The following LRRC37A2 variants were observed in gnomAD, a reference collection of about 807,000 sequenced individuals.
LRRC37A2 encodes the protein leucine-rich repeat-containing protein 37A2.
In LRRC37A2, 9 loss-of-function variants were observed where a neutral mutation model predicts 68.8. That is an observed-to-expected ratio of 0.13 (90% CI 0.08 to 0.23). LRRC37A2 has a LOEUF of 0.23. Ranked by LOEUF, LRRC37A2 falls within the 10% of genes least tolerant of loss-of-function variation. The probability of loss-of-function intolerance (pLI) is 1.00; values close to 1 mark genes in which losing one functional copy is unlikely to be tolerated. For missense variants in LRRC37A2, 168 were observed against 950.4 expected (o/e 0.18, Z 10.82); for synonymous variants, 63 against 367.6 (o/e 0.17, Z 9.48).
At chr17:46,755,579 A>G in the LRRC37A2 span, 12 of 683,182 alleles carry the variant, frequency 1.8e-5, no homozygotes, top group Non-Finnish European at 2.7e-5. Flanking sequence ...CCTTGTCACA[A>G]TGCAGGAAAA....
At chr17:46,535,449 TTC>T (rs1468987515) in intron 6 of LRRC37A2, among the ~76,000 whole-genome samples, 2 of 101,352 alleles carry the variant, frequency 2.0e-5, no homozygotes, top group Non-Finnish European at 3.6e-5. Context: ...TTCTCCTTTT[TTC>T]TGTTTTTCTT....
chr17:46,690,624 A>AAAAT, the LRRC37A2 span, among the ~76,000 whole-genome samples: 20,999 of 108,116 alleles, frequency 0.19, 2,518 homozygotes, highest in Non-Finnish European at 0.25. Flanking sequence ...AAAAAAAAAA[A>AAAAT]ATATATATAT....
chr17:46,475,005 G>A, the LRRC37A2 span, among the ~76,000 whole-genome samples: 885 of 132,284 alleles, frequency 6.7e-3, 6 homozygotes, highest in African/African-American at 0.023. Flanking sequence ...TCTAGAATGA[G>A]TTTTCAGTTT....
At chr17:46,774,362 GCA>G in the LRRC37A2 span, among the ~76,000 whole-genome samples, 1 of 151,944 alleles carries the variant, frequency 6.6e-6, no homozygotes, top group Admixed American at 6.6e-5. Flanking sequence ...GCGCGCGCGC[GCA>G]CACACACACA....
chr17:46,818,857 C>G, the LRRC37A2 span: 10 of 547,090 alleles, frequency 1.8e-5, no homozygotes, highest in Non-Finnish European at 2.9e-5. Flanking sequence ...GCGCCCCTCC[C>G]GCCCGGCCCA....
intron 6 of LRRC37A2, among the ~76,000 whole-genome samples, chr17:46,535,180 C>A (rs1248721379): frequency 6.7e-6 from 1 of 149,360 alleles, no homozygotes; most frequent in South Asian, 2.1e-4. Context: ...CAGGTGTGAG[C>A]AACCATGTCC....
the LRRC37A2 span, among the ~76,000 whole-genome samples, chr17:46,780,128 C>T: frequency 6.6e-6 from 1 of 152,224 alleles, no homozygotes; most frequent in Non-Finnish European, 1.5e-5. Flanking sequence ...TTGACTTACG[C>T]ACCTAACATA....
the LRRC37A2 span, among the ~76,000 whole-genome samples, chr17:47,028,548 C>G: frequency 6.6e-6 from 1 of 152,148 alleles, no homozygotes; most frequent in Non-Finnish European, 1.5e-5. Context: ...TATATATGAC[C>G]TCCTCTGCTT....
chr17:46,385,290 A>G, the LRRC37A2 span, among the ~76,000 whole-genome samples: 1 of 42,214 alleles, frequency 2.4e-5, no homozygotes, highest in Admixed American at 2.5e-4. Flanking sequence ...GCTTCTGAAC[A>G]TCTTAGTAAA....
At chr17:46,805,439 G>C in the LRRC37A2 span, among the ~76,000 whole-genome samples, 2 of 151,918 alleles carry the variant, frequency 1.3e-5, no homozygotes, top group Non-Finnish European at 1.5e-5. Context: ...CAGGTGTGGT[G>C]GCGGGCGCCT....
At chr17:46,924,983 A>G in the LRRC37A2 span, among the ~76,000 whole-genome samples, 1 of 152,198 alleles carries the variant, frequency 6.6e-6, no homozygotes, top group Non-Finnish European at 1.5e-5. Flanking sequence ...GTCTTAGACT[A>G]CCTGTTTTCA....
chr17:46,638,746 G>A, the LRRC37A2 span, among the ~76,000 whole-genome samples: 2 of 130,158 alleles, frequency 1.5e-5, no homozygotes, highest in Non-Finnish European at 3.1e-5. Context: ...GACCTCAAGT[G>A]ATCCTCCCAC....
chr17:46,615,755 A>G, the LRRC37A2 span, among the ~76,000 whole-genome samples: 2 of 46,770 alleles, frequency 4.3e-5, no homozygotes, highest in Non-Finnish European at 8.0e-5. Flanking sequence ...AAAGTTCTGT[A>G]TACAATTCTG....
At chr17:46,803,827 C>T in the LRRC37A2 span, among the ~76,000 whole-genome samples, 1 of 152,224 alleles carries the variant, frequency 6.6e-6, no homozygotes, top group Non-Finnish European at 1.5e-5. Flanking sequence ...CTGCAGAGCC[C>T]GGAAGCAGGC....
At chr17:46,999,980 C>T in the LRRC37A2 span, among the ~76,000 whole-genome samples, 1 of 130,308 alleles carries the variant, frequency 7.7e-6, no homozygotes. Flanking sequence ...GCCTGGGCAA[C>T]AGAGGAAGAC....
the LRRC37A2 span, chr17:46,978,546 C>G: frequency 6.9e-7 from 1 of 1,440,446 alleles, no homozygotes; most frequent in Non-Finnish European, 9.2e-7. Flanking sequence ...CGTAGCTGCC[C>G]GCCCGGAGGC....
the LRRC37A2 span, among the ~76,000 whole-genome samples, chr17:46,795,879 C>T: frequency 6.6e-6 from 1 of 152,236 alleles, no homozygotes; most frequent in Admixed American, 6.5e-5. Context: ...CCCTCTCTCT[C>T]TCACACACAC....
At chr17:46,875,295 C>T in the LRRC37A2 span, 5 of 1,614,016 alleles carry the variant, frequency 3.1e-6, no homozygotes, top group African/African-American at 4.0e-5. Context: ...GAGCAACTTC[C>T]TGGGGTCCAA....
chr17:46,758,912 G>A, the LRRC37A2 span, among the ~76,000 whole-genome samples: 1 of 152,174 alleles, frequency 6.6e-6, no homozygotes, highest in South Asian at 2.1e-4. Context: ...CTTTAAAGAA[G>A]TGACTGGGGG....
Sources: allele counts gnomAD v4.1 joint callset (sites outside exome capture counted in the v4.1 genomes callset), GRCh38; gene constraint gnomAD v4.1.1; transcripts MANE v1.5; gene names NCBI Gene and HGNC (gene_info 2026-07-23, HGNC 2026-07-21).